The following SOX6 variants were observed in gnomAD, a reference collection of about 807,000 sequenced individuals.
SOX6 encodes the protein transcription factor SOX-6.
Under a neutral mutation model 97.8 loss-of-function variants are expected in SOX6, and 11 were observed. The ratio of observed to expected loss-of-function variants is 0.11; its 90% CI spans 0.07 to 0.19. The LOEUF is 0.19. Among genes scored for constraint, SOX6 ranks in the 10% least tolerant of loss-of-function variants. The pLI is 1.00. For synonymous variants in SOX6, 360 were observed against 371.4 expected, an observed-to-expected ratio of 0.97 and a Z score of 0.35; for missense variants, 810 against 1,039.5, an observed-to-expected ratio of 0.78 and a Z score of 3.04.
chr11:16,302,762 G>T (rs1384291389), intron 3 of SOX6, among the ~76,000 whole-genome samples: 2 of 151,478 alleles, frequency 1.3e-5, no homozygotes, highest in African/African-American at 2.4e-5. Flanking sequence ...TAGAGACAGG[G>T]TCCTGCCATT....
chr11:16,504,851 G>A (rs1211594987), intron 4 of SOX6, among the ~76,000 whole-genome samples: 2 of 152,116 alleles, frequency 1.3e-5, no homozygotes, highest in East Asian at 1.9e-4. Context: ...CTGGCCATGG[G>A]AAGATGTTCC....
At chr11:16,000,529 C>A (rs1854373562) in intron 13 of SOX6, among the ~76,000 whole-genome samples, 1 of 152,194 alleles carries the variant, frequency 6.6e-6, no homozygotes. Flanking sequence ...ACCTGTGGTA[C>A]TTTAATTAAA....
intron 4 of SOX6, among the ~76,000 whole-genome samples, chr11:16,588,426 G>C (rs1214380683): frequency 6.6e-6 from 1 of 152,172 alleles, no homozygotes; most frequent in Non-Finnish European, 1.5e-5. Context: ...CAACGAGTTA[G>C]AGAAAAGAAG....
At chr11:16,404,759 A>C (rs1042001730) in intron 1 of SOX6, among the ~76,000 whole-genome samples, 2 of 152,022 alleles carry the variant, frequency 1.3e-5, no homozygotes, top group East Asian at 1.9e-4. Context: ...TGGGATGATT[A>C]GAATTTCATT....
rs1003701851 is a variant in SOX6, at chr11:15,970,296, GT to G, written c.*2512del. 2.4e-4 allele frequency: 37 copies of G among 152,520 alleles called. No homozygotes were observed. Among genetic ancestry groups the G allele is most frequent in the African/African-American group, 8.7e-4 (36 of 41,490 alleles). The allele number at this position is 152,520 out of a possible 1,614,324, so 9.4% of individuals were successfully genotyped here. A position where few individuals can be genotyped will look rare whatever the true frequency, so the allele number is the denominator to read the frequency against. ...TTTCAGTCCTAAAGAACAGTCCTTT[GT>G]TCTCCACCAGCCCAGAATATTATTT... is the stretch of plus-strand genomic sequence containing the variant. On this transcript the variant is annotated 3_prime_UTR_variant, in exon 16 of 16. Transcript: ENST00000683767.
Position 16,356,255 on chromosome 11 carries a change from T to C in SOX6, c.-166A>G, listed in dbSNP as rs931211795. On this transcript the variant is annotated 5_prime_UTR_variant, in exon 1 of 16. Coordinates refer to ENST00000683767, the MANE Select transcript of SOX6 (RefSeq NM_001367873.1). ...AAAACCCAACCCCACAGCTAATTAA[T>C]CTCTGCCAAGTCTCAGGCTACCAAT... Among the ~76,000 whole-genome samples, 1 of 150,504 alleles carries C rather than the reference T, an allele frequency of 6.6e-6. No individual in the cohort carries two copies. The highest frequency in any genetic ancestry group is 1.5e-5 in the Non-Finnish European group (1 of 67,746).
chr11:16,056,229 A>G (rs1207038086), intron 9 of SOX6, among the ~76,000 whole-genome samples: 1 of 152,130 alleles, frequency 6.6e-6, no homozygotes, highest in African/African-American at 2.4e-5. Context: ...TTTAATGCCT[A>G]AAATCTTTAT....
chr11:16,602,318 C>T (rs760959326), intron 4 of SOX6, among the ~76,000 whole-genome samples: 1 of 152,072 alleles, frequency 6.6e-6, no homozygotes, highest in Non-Finnish European at 1.5e-5. Flanking sequence ...TGTCACTATG[C>T]CTATGGAATT....
chr11:16,216,127 T>G (rs1852365217), intron 4 of SOX6, among the ~76,000 whole-genome samples: 1 of 152,198 alleles, frequency 6.6e-6, no homozygotes, highest in African/African-American at 2.4e-5. Context: ...TGGCACTGGT[T>G]TGAGGATTAA....
chr11:15,990,246 A>C (rs1349672946), intron 13 of SOX6, among the ~76,000 whole-genome samples: 1 of 152,002 alleles, frequency 6.6e-6, no homozygotes, highest in Non-Finnish European at 1.5e-5. Flanking sequence ...TTTTCACATA[A>C]TAGATAATAA....
At chr11:16,520,301 A>G (rs1350619462) in intron 4 of SOX6, among the ~76,000 whole-genome samples, 1 of 152,084 alleles carries the variant, frequency 6.6e-6, no homozygotes, top group Admixed American at 6.6e-5. Context: ...GTGTTTCCTA[A>G]GTTTTCTTCC....
At chr11:16,141,088 T>C (rs1437458931) in intron 6 of SOX6, among the ~76,000 whole-genome samples, 1 of 150,348 alleles carries the variant, frequency 6.7e-6, no homozygotes, top group Admixed American at 6.6e-5. Context: ...CACTCTAGCC[T>C]AGGCAAGAGC....
chr11:16,097,431 T>C (rs1190787577), intron 8 of SOX6, among the ~76,000 whole-genome samples, 178 bp downstream of exon 8: 1 of 151,912 alleles, frequency 6.6e-6, no homozygotes, highest in East Asian at 1.9e-4. Context: ...TTTAAAAATA[T>C]TGAAACTGGC....
rs180703085 is a variant in SOX6 at position 16,705,219 on chromosome 11, T to A, written n.429+9611A>T. 4.6e-3 allele frequency among the ~76,000 whole-genome samples: 699 copies of A among 151,144 alleles called. 6 individuals carry two copies. The highest frequency in any genetic ancestry group is 0.016 in the African/African-American group (675 of 41,166). ...GTTGCAATGAGCCAAAATCATGCCATTGCACTCCTGCCTGGGCGACAGAGC... is the reference window on the plus strand; with the variant it reads ...GTTGCAATGAGCCAAAATCATGCCAATGCACTCCTGCCTGGGCGACAGAGC... On this transcript the variant is annotated intron_variant and non_coding_transcript_variant, in intron 3 of 5. Coordinates refer to the SOX6 transcript ENST00000524520.
intron 4 of SOX6, among the ~76,000 whole-genome samples, chr11:16,552,828 G>A (rs73417116): frequency 0.025 from 3,861 of 152,208 alleles, 151 homozygotes; most frequent in African/African-American, 0.088. Context: ...CTTCCTCTAG[G>A]CTGGTACTCA....
At chr11:16,294,065 T>G (rs1854995776) in intron 3 of SOX6, among the ~76,000 whole-genome samples, 1 of 152,024 alleles carries the variant, frequency 6.6e-6, no homozygotes, top group Non-Finnish European at 1.5e-5. Context: ...TTTAGAAGTT[T>G]TAGGTAAGCA....
chr11:16,501,922 G>A (rs1860714894), intron 4 of SOX6, among the ~76,000 whole-genome samples: 1 of 152,140 alleles, frequency 6.6e-6, no homozygotes, highest in Non-Finnish European at 1.5e-5. Context: ...CAGGGATCTA[G>A]AACTAGAAAT....
Position 16,610,034 on chromosome 11 carries a change from C to T in SOX6, n.609+2047G>A, listed in dbSNP as rs1327354746. Among the ~76,000 whole-genome samples, 1 of 152,292 alleles carries T rather than the reference C, an allele frequency of 6.6e-6. No homozygotes were observed. Among genetic ancestry groups the T allele is most frequent in the Non-Finnish European group, 1.5e-5 (1 of 68,032 alleles). On this transcript the variant is annotated intron_variant and non_coding_transcript_variant, in intron 4 of 5. Transcript: ENST00000524520. This position sits in a 1 kb window ranked among gnomAD's most constrained non-coding sequence, Gnocchi z 4.4. ...CAGAACTGCCTGCGGGCCCCTTGAC[C>T]TCTAAGGCCCAAGGGGCAAGCTCAG...
At chr11:16,533,969 G>C (rs1361297304) in intron 4 of SOX6, among the ~76,000 whole-genome samples, 1 of 152,000 alleles carries the variant, frequency 6.6e-6, no homozygotes, top group Non-Finnish European at 1.5e-5. Flanking sequence ...TTACATACCA[G>C]TCTATGTCTC....
Sources: allele counts gnomAD v4.1 joint callset (sites outside exome capture counted in the v4.1 genomes callset), GRCh38; gene constraint gnomAD v4.1.1; non-coding constraint Gnocchi (gnomAD v3.1); transcripts MANE v1.5; gene names NCBI Gene and HGNC (gene_info 2026-07-23, HGNC 2026-07-21).